Variants in COL5A3 observed in about 807,000 individuals in gnomAD.
The protein encoded by COL5A3 is collagen alpha-3(V) chain.
In COL5A3, 172 loss-of-function variants were observed where a neutral mutation model predicts 250.0. The observed-to-expected ratio is 0.69, with a 90% CI of 0.61 to 0.78. The LOEUF (loss-of-function observed/expected upper bound fraction) is 0.78. Ranked by LOEUF, COL5A3 falls within the 30% of genes least tolerant of loss-of-function variation. COL5A3 has a pLI of 0.00. For missense variants in COL5A3, 2,340 were observed against 2,334.4 expected (o/e 1.00, Z -0.05); for synonymous variants, 937 against 900.4 (o/e 1.04, Z -0.73).
intron 1 of COL5A3, among the ~76,000 whole-genome samples, chr19:10,007,576 C>T (rs565450745): frequency 1.3e-5 from 2 of 152,358 alleles, no homozygotes; most frequent in African/African-American, 4.8e-5. Flanking sequence ...ATCCCCCAAC[C>T]CTCAGCAAAC....
chr19:9,974,367 G>T lies in COL5A3; in HGVS notation c.3384C>A (p.Leu1128=). The part of the protein sequence containing the change: ...GAQGRRGPPG[L]FGQKGDDGVR... ...CTCCGTCATCTCCTTTCTGCCCAAA[G>T]AGGCCTGGGGGTCCCCGGCGCCCCT... Residue 1128 remains leucine (L), a synonymous_variant, in exon 46 of 67, where the codon CTC becomes CTA. Transcript: ENST00000264828. 6.2e-7 allele frequency: 1 copy of T among 1,612,308 alleles called. No individual in the cohort carries two copies. The highest frequency in any genetic ancestry group is 8.5e-7 in the Non-Finnish European group (1 of 1,179,238).
At chr19:9,971,641 C>T (rs1271974343) in intron 51 of COL5A3, among the ~76,000 whole-genome samples, 2 of 152,008 alleles carry the variant, frequency 1.3e-5, no homozygotes, top group African/African-American at 4.8e-5. Flanking sequence ...CCATTCAAGT[C>T]GAGGTCCCAC....
chr19:9,987,261 G>A (rs955774511), intron 27 of COL5A3, among the ~76,000 whole-genome samples: 16 of 152,186 alleles, frequency 1.1e-4, no homozygotes, highest in Non-Finnish European at 2.1e-4. Context: ...ATGAAATTGC[G>A]CTTGGATACA....
chr19:9,963,373 C>T (rs1336157478), intron 64 of COL5A3, among the ~76,000 whole-genome samples: 1 of 150,942 alleles, frequency 6.6e-6, no homozygotes, highest in Non-Finnish European at 1.5e-5. Context: ...CAGGCATGTA[C>T]CCCCATGCCC....
In COL5A3 at chr19:9,977,440, T is replaced by C. The variant is rs1466858349; in HGVS notation, c.3159A>G (p.Lys1053=). ...GCCCCAGGGGCCCTGGGATCCCATC[T>C]TTGCCAGTGGGGCCAGGGGGGCCAC... ...GERGPPGPTG[K]DGIPGPLGPL... Residue 1053 remains lysine (K), a synonymous_variant, in exon 43 of 67, where the codon AAA becomes AAG. Coordinates refer to ENST00000264828, the MANE Select transcript of COL5A3 (RefSeq NM_015719.4). The C allele has an allele frequency of 4.6e-6, 7 of 1,522,348 alleles. No individual in the cohort carries two copies. Among genetic ancestry groups the C allele is most frequent in the Non-Finnish European group, 6.2e-6 (7 of 1,137,068 alleles). 94.3% of individuals were successfully genotyped at this position (1,522,348 alleles called of 1,614,324 possible).
chr19:10,007,527 G>A (rs1317262015), intron 1 of COL5A3, among the ~76,000 whole-genome samples: 2 of 152,202 alleles, frequency 1.3e-5, no homozygotes, highest in African/African-American at 2.4e-5. Context: ...GGGCGGGTGG[G>A]GGCTTCCCCT....
intron 64 of COL5A3, among the ~76,000 whole-genome samples, chr19:9,964,753 G>A (rs999680838): frequency 2.6e-5 from 4 of 151,044 alleles, no homozygotes; most frequent in Admixed American, 6.6e-5. Flanking sequence ...GGCCAGGTGC[G>A]GTGGCTCATG....
At chr19:9,994,517 G>C (rs922490821) in intron 16 of COL5A3, among the ~76,000 whole-genome samples, 1 of 138,874 alleles carries the variant, frequency 7.2e-6, no homozygotes, top group Admixed American at 7.5e-5. Flanking sequence ...TTGAGATGGC[G>C]TCTTGCTCTG....
At chr19:9,961,033 G>C (rs2086666692) in intron 65 of COL5A3, 143 bp from the exon 66 acceptor site, 1 of 969,466 alleles carries the variant, frequency 1.0e-6, no homozygotes, top group Non-Finnish European at 1.5e-6. Flanking sequence ...CAGCCACCTA[G>C]AGATCCCTGG....
At chr19:9,962,643 T>C (rs1188309080) in intron 65 of COL5A3, among the ~76,000 whole-genome samples, 176 bp downstream of exon 65, 1 of 152,118 alleles carries the variant, frequency 6.6e-6, no homozygotes, top group African/African-American at 2.4e-5. Context: ...TGTATGGCAA[T>C]TGACTGCCTG....
chr19:9,989,025 A>T lies in COL5A3; in HGVS notation c.2145+99T>A, dbSNP rs1661871936. On this transcript the variant is annotated intron_variant, in intron 27 of 66. Coordinates refer to ENST00000264828, the MANE Select transcript of COL5A3 (RefSeq NM_015719.4). The stretch of plus-strand genomic sequence containing the variant: ...CCACTACATTTGGCCTGGCCAACTG[A>T]TTCCCCTCTCCACACATCCAGAAGT... 3 of 1,283,946 alleles carry T rather than the reference A, an allele frequency of 2.3e-6. No homozygotes were observed. In the African/African-American group the frequency reaches 4.4e-5, roughly 19 times the overall value. 79.5% of individuals were successfully genotyped at this position (1,283,946 alleles called of 1,614,324 possible).
chr19:9,991,908 A>T, intron 22 of COL5A3, 67 bp from the exon 23 acceptor site: 2 of 1,576,470 alleles, frequency 1.3e-6, no homozygotes, highest in South Asian at 2.2e-5. Context: ...AGTGAAATTG[A>T]CTTGGGGGGG....
intron 16 of COL5A3, 42 bp downstream of exon 16, chr19:9,995,522 G>C: frequency 6.4e-7 from 1 of 1,564,360 alleles, no homozygotes; most frequent in Non-Finnish European, 8.7e-7. Flanking sequence ...TGGGTGTTGA[G>C]GGATGGATAA....
In COL5A3 at chr19:10,000,452, CTTTTTTTTTTTT is replaced by C. The variant is rs576119335; in HGVS notation, c.1110+1060_1110+1071del. On this transcript the variant is annotated intron_variant, in intron 8 of 66. Coordinates refer to ENST00000264828, the MANE Select transcript of COL5A3 (RefSeq NM_015719.4). ...TGTGCCATTCAGCAGCCAGAGAGCT[CTTTTTTTTTTTT>C]TTTTTTTTTTTTTTTTTTAAGAGAT... Among the ~76,000 whole-genome samples, 394 of 62,808 alleles carry C rather than the reference CTTTTTTTTTTTT, an allele frequency of 6.3e-3. 6 individuals carry two copies. The highest frequency in any genetic ancestry group is 0.026 in the African/African-American group (366 of 14,058). The allele number at this position is 62,808 out of a possible 152,430, so 41.2% of individuals were successfully genotyped here.
intron 54 of COL5A3, among the ~76,000 whole-genome samples, 151 bp downstream of exon 54, chr19:9,970,457 GTGGGTGTGTGGGGT>G: frequency 5.0e-5 from 4 of 79,468 alleles, no homozygotes; most frequent in Non-Finnish European, 7.5e-5. Context: ...AGTGGGGTCT[GTGGGTGTGTGGGGT>G]CTGTGGGGTG....
chr19:9,997,902 C>T, intron 10 of COL5A3, 82 bp downstream of exon 10: 9 of 1,509,092 alleles, frequency 6.0e-6, no homozygotes, highest in Middle Eastern at 2.1e-4. Flanking sequence ...CAACATTACA[C>T]CCCAACTCCT....
chr19:9,983,503 AAAGC>A (rs1249660331), intron 31 of COL5A3, among the ~76,000 whole-genome samples: 1 of 148,404 alleles, frequency 6.7e-6, no homozygotes, highest in Non-Finnish European at 1.5e-5. Context: ...GTCTGAAAGG[AAAGC>A]AAGCAAGCAA....
Position 9,968,469 on chromosome 19 carries a change from G to A in COL5A3, c.4230C>T (p.Leu1410=), listed in dbSNP as rs141650534. The A allele has an allele frequency of 1.5e-5, 24 of 1,587,662 alleles. No homozygotes were observed. In the East Asian group the frequency reaches 3.8e-4, roughly 25 times the overall value. Residue 1410 remains leucine, a synonymous_variant, in exon 59 of 67, where the codon CTC becomes CTT. Coordinates refer to ENST00000264828, the MANE Select transcript of COL5A3 (RefSeq NM_015719.4). The surrounding 1 kb of genome is among the most constrained non-coding windows in gnomAD (Gnocchi z 4.1). ...GEKGHIGLIG[L]IGPPGEAGEK... The stretch of plus-strand genomic sequence containing the variant: ...CACCAGCTTCTCCCGGGGGGCCAAT[G>A]AGACCGATCAATCCAATGTGGCCCT...
In COL5A3 at chr19:9,974,193, T is replaced by C; in HGVS notation, c.3482A>G (p.Glu1161Gly). 2 of 1,613,728 alleles carry C rather than the reference T, an allele frequency of 1.2e-6. No individual in the cohort carries two copies. Among genetic ancestry groups the C allele is most frequent in the Non-Finnish European group, 1.7e-6 (2 of 1,179,948 alleles). ...GLPGPPGEKG[E>G]VGDVGSMGPH... ...TACCATGGACCCGACGTCTCCGACC[T>C]CCCCTTTCTCTCCCGGAGGGCCTGG... Residue 1161 changes from glutamate to glycine, a missense_variant, in exon 47 of 67, where the codon GAG becomes GGG. Physicochemically the swap from Glu to Gly is moderately conservative, Grantham distance 98. Around this residue, in one of 3 missense-constraint regions of COL5A3, gnomAD observed 1,179 missense variants for 1,162.6 expected, o/e 1.01. Transcript: ENST00000264828.
Sources: allele counts gnomAD v4.1 joint callset (sites outside exome capture counted in the v4.1 genomes callset), GRCh38; gene constraint gnomAD v4.1.1; regional missense constraint gnomAD v4.1.1; non-coding constraint Gnocchi (gnomAD v3.1); transcripts MANE v1.5; gene names NCBI Gene and HGNC (gene_info 2026-07-23, HGNC 2026-07-21).